SUMF2: variants seen among roughly 807,000 people sequenced by gnomAD.
SUMF2 encodes the protein inactive C-alpha-formylglycine-generating enzyme 2.
In SUMF2, 45 loss-of-function variants were observed where a neutral mutation model predicts 44.8. The observed-to-expected ratio is 1.00, with a 90% CI of 0.79 to 1.29. The LOEUF (loss-of-function observed/expected upper bound fraction) is 1.29. SUMF2 is among the 50% of genes most tolerant of loss of function. The pLI is 0.00. For missense variants in SUMF2, 418 were observed against 389.9 expected, an observed-to-expected ratio of 1.07 and a Z score of -0.61; for synonymous variants, 148 against 150.4, an observed-to-expected ratio of 0.98 and a Z score of 0.12.
At chr7:56,072,454 G>T (rs1795237286) in intron 2 of SUMF2, among the ~76,000 whole-genome samples, 1 of 150,660 alleles carries the variant, frequency 6.6e-6, no homozygotes, top group Admixed American at 6.6e-5. Context: ...GACAGGTGTG[G>T]TGGCTCACGC....
downstream of SUMF2, chr7:56,081,214 C>T (rs1407042813): frequency 8.7e-6 from 14 of 1,613,694 alleles, no homozygotes; most frequent in Admixed American, 3.3e-5. This position sits in a 1 kb window ranked among gnomAD's most constrained non-coding sequence, Gnocchi z 4.6. Flanking sequence ...ATAGGGGTCT[C>T]GGATGACGAT....
At chr7:56,077,682 A>G (rs1228773176) in intron 6 of SUMF2, among the ~76,000 whole-genome samples, 16 of 151,842 alleles carry the variant, frequency 1.1e-4, no homozygotes, top group Admixed American at 9.2e-4. Flanking sequence ...AAATAAAACT[A>G]AAATAAGCAA....
In SUMF2 at chr7:56,078,344, A is replaced by G; in HGVS notation, c.677-20A>G. 6.3e-7 allele frequency: 1 copy of G among 1,579,236 alleles called. No individual in the cohort carries two copies. Among genetic ancestry groups the G allele is most frequent in the Non-Finnish European group, 8.6e-7 (1 of 1,160,278 alleles). On this transcript the variant is annotated intron_variant, in intron 7 of 8. Transcript: ENST00000434526. Reference sequence around the variant, plus strand: ...GGTCGGCGGGTCCCAGCCTGGCCTGACCCGCCGGTGGGGCTGCAGGGCTCT... The same window carrying G: ...GGTCGGCGGGTCCCAGCCTGGCCTGGCCCGCCGGTGGGGCTGCAGGGCTCT...
intron 8 of SUMF2, chr7:56,079,165 C>T: frequency 4.0e-6 from 2 of 495,646 alleles, no homozygotes; most frequent in Non-Finnish European, 7.1e-6. Context: ...TGAGCCACTG[C>T]ACCCGGCCGT....
At chr7:56,074,555 G>A (rs1472416101) in intron 4 of SUMF2, 31 bp from the exon 5 acceptor site, 2 of 1,609,798 alleles carry the variant, frequency 1.2e-6, no homozygotes. Flanking sequence ...TGCGCTCCCG[G>A]AAGCCTGTCT....
At chr7:56,087,054 G>A in the SUMF2 span, 76 of 1,592,568 alleles carry the variant, frequency 4.8e-5, no homozygotes, top group Non-Finnish European at 6.5e-5. Flanking sequence ...CTTGTCTCAA[G>A]TAGCAGGGGA....
At chr7:56,074,255 G>A in intron 4 of SUMF2, 37 bp downstream of exon 4, 1 of 1,600,524 alleles carries the variant, frequency 6.2e-7, no homozygotes, top group Non-Finnish European at 8.6e-7. Flanking sequence ...TTCTACCCCT[G>A]CTTGACTCTT....
At chr7:56,066,433 CTTTTTTA>C (rs1338138367) in intron 1 of SUMF2, among the ~76,000 whole-genome samples, 1 of 152,064 alleles carries the variant, frequency 6.6e-6, no homozygotes, top group Non-Finnish European at 1.5e-5. Context: ...AGCAAAGATC[CTTTTTTA>C]TTTTTTATTT....
chr7:56,073,876 A>G (rs1795347956), intron 3 of SUMF2: 6 of 426,630 alleles, frequency 1.4e-5, no homozygotes, highest in Non-Finnish European at 2.5e-5. Flanking sequence ...TTAGCTGGGC[A>G]TGGTCATGCA....
chr7:56,081,285 G>T (rs143871825), downstream of SUMF2: 16 of 1,609,808 alleles, frequency 9.9e-6, no homozygotes, highest in Non-Finnish European at 1.4e-5. The surrounding 1 kb of genome is among the most constrained non-coding windows in gnomAD (Gnocchi z 4.6). Flanking sequence ...AAGCCAGCAC[G>T]GTCAGAGCGA....
Position 56,073,086 on chromosome 7 carries a change from GA to G in SUMF2, c.317del (p.Asn106ThrfsTer7). ...VFEDFVSDEL[R>X]NKATQPMKSV... The stretch of plus-strand genomic sequence containing the variant: ...GAGGACTTTGTCTCTGATGAGCTGA[GA>G]AACAAAGCCACCCAGCCAATGAAGG... On this transcript the variant is annotated frameshift_variant, in exon 3 of 9. Transcript: ENST00000434526. LOFTEE classifies it high-confidence loss of function. The G allele has an allele frequency of 7.4e-6, 12 of 1,614,146 alleles. No homozygotes were observed. Among genetic ancestry groups the G allele is most frequent in the Non-Finnish European group, 9.3e-6 (11 of 1,180,008 alleles).
rs559377639 is a variant in SUMF2 at position 56,079,575 on chromosome 7, G to C, written c.869G>C (p.Cys290Ser). Residue 290 changes from cysteine to serine, a missense_variant, in exon 9 of 9, where the codon TGT (cysteine) becomes TCT (serine). Physicochemically the swap from Cys to Ser is moderately radical, Grantham distance 112. Transcript: ENST00000434526. ...DSASDNLGFR[C>S]AADAGRPPGE... ...GCCTCAGACAACCTCGGTTTCCGCT[G>C]TGCTGCAGACGCAGGCCGGCCGCCA... 6 of 1,614,218 alleles carry C rather than the reference G, an allele frequency of 3.7e-6. No homozygotes were observed. The African/African-American group carries it at 8.0e-5, about 22-fold the overall frequency.
rs758331119 is a variant in SUMF2, at chr7:56,064,298, G to A, written c.-14G>A. The A allele has an allele frequency of 3.8e-6, 6 of 1,582,088 alleles. No homozygotes were observed. The highest frequency in any genetic ancestry group is 1.7e-4 in the Middle Eastern group (1 of 5,896). The stretch of plus-strand genomic sequence containing the variant: ...CGGGGCCGTGGGTGTACGCGGCGCA[G>A]CGCGGCAGTCCTGATGGCCCGGCAT... On this transcript the variant is annotated 5_prime_UTR_variant, in exon 1 of 9. Coordinates refer to ENST00000434526, the MANE Select transcript of SUMF2 (RefSeq NM_015411.4).
In SUMF2 at chr7:56,078,151, C is replaced by T. The variant is rs770371661; in HGVS notation, c.641C>T (p.Ser214Phe). 18 of 1,612,790 alleles carry T rather than the reference C, an allele frequency of 1.1e-5. No homozygotes were observed. Among genetic ancestry groups the T allele is most frequent in the Non-Finnish European group, 1.4e-5 (17 of 1,179,078 alleles). Residue 214 changes from serine to phenylalanine, a missense_variant, in exon 7 of 9, where the codon TCC (serine) becomes TTC (phenylalanine). Transcript: ENST00000434526. ...DKAEDGFHGV[S>F]PVNAFPAQNN... ...GCTGAGGATGGCTTCCATGGAGTCT[C>T]CCCAGTGAATGCTTTCCCCGCCCAG...
chr7:56,068,511 C>T lies in SUMF2; in HGVS notation c.97C>T (p.Leu33=). 2 of 1,613,660 alleles carry T rather than the reference C, an allele frequency of 1.2e-6. No homozygotes were observed. Among genetic ancestry groups the T allele is most frequent in the Non-Finnish European group, 1.7e-6 (2 of 1,179,870 alleles). ...TGGACAGGCTACTAGCATGGTCCAACTGCAGGGTGGGAGATTCCTGATGGG... is the reference window on the plus strand; with the variant it reads ...TGGACAGGCTACTAGCATGGTCCAATTGCAGGGTGGGAGATTCCTGATGGG... ...GNGQATSMVQ[L]QGGRFLMGTN... The change falls in exon 2 of 9, where the codon CTG becomes TTG. Residue 33 remains leucine (L), a synonymous_variant. Coordinates refer to ENST00000434526, the MANE Select transcript of SUMF2 (RefSeq NM_015411.4).
At chr7:56,074,089 C>T in intron 3 of SUMF2, 85 bp from the exon 4 acceptor site, 1 of 1,148,250 alleles carries the variant, frequency 8.7e-7, no homozygotes, top group South Asian at 1.2e-5. Flanking sequence ...AGCCTGACGT[C>T]TCTGTTCTGC....
rs548287053 is a variant in SUMF2, at chr7:56,071,877, C to T, written c.225-1120C>T. 1.3e-3 allele frequency among the ~76,000 whole-genome samples: 196 copies of T among 151,590 alleles called. 2 individuals carry two copies. Among genetic ancestry groups the T allele is most frequent in the African/African-American group, 4.1e-3 (169 of 41,366 alleles). ...CTGCAATCCCAGCACTTTGGGAGGC[C>T]GAGGCGGGCAGATCATGAAGTCAGG... On this transcript the variant is annotated intron_variant, in intron 2 of 8. Transcript: ENST00000434526.
chr7:56,071,785 A>AAAATAAAT (rs71015179), intron 2 of SUMF2, among the ~76,000 whole-genome samples: 1,935 of 145,236 alleles, frequency 0.013, 16 homozygotes, highest in African/African-American at 0.017. Flanking sequence ...ACTCCGTCTA[A>AAAATAAAT]AAATAAATAA....
At chr7:56,076,466 C>G (rs570460511) in intron 5 of SUMF2, 1 of 174,142 alleles carries the variant, frequency 5.7e-6, no homozygotes, top group Admixed American at 6.3e-5. Context: ...AGCCAGTGAT[C>G]GAAGTTTTTA....
Sources: allele counts gnomAD v4.1 joint callset (sites outside exome capture counted in the v4.1 genomes callset), GRCh38; gene constraint gnomAD v4.1.1; non-coding constraint Gnocchi (gnomAD v3.1); transcripts MANE v1.5; gene names NCBI Gene and HGNC (gene_info 2026-07-23, HGNC 2026-07-21).